Variants in PPP3CB observed in about 807,000 individuals in gnomAD.
The protein encoded by PPP3CB is protein phosphatase 3 catalytic subunit beta, also known as serine/threonine-protein phosphatase 2B catalytic subunit beta isoform.
In PPP3CB, 8 loss-of-function variants were observed where a neutral mutation model predicts 66.4. That is an observed-to-expected ratio of 0.12 (90% CI 0.07 to 0.22). The LOEUF is 0.22. Ranked by LOEUF, PPP3CB falls within the 10% of genes least tolerant of loss-of-function variation. The pLI, the probability that PPP3CB is intolerant of heterozygous loss-of-function variation, is 1.00. For missense variants in PPP3CB, 319 were observed against 642.5 expected (o/e 0.50, Z 5.44); for synonymous variants, 208 against 221.2 (o/e 0.94, Z 0.53).
chr10:73,443,300 G>GAAAGA (rs2056189355), intron 12 of PPP3CB, among the ~76,000 whole-genome samples: 1 of 130,640 alleles, frequency 7.7e-6, no homozygotes, highest in Admixed American at 7.7e-5. Flanking sequence ...AAGAAAGAAA[G>GAAAGA]AAAGAAAGAA....
At chr10:73,458,128 C>G (rs1014724707) in intron 9 of PPP3CB, among the ~76,000 whole-genome samples, 1 of 151,996 alleles carries the variant, frequency 6.6e-6, no homozygotes, top group African/African-American at 2.4e-5. Flanking sequence ...ATATAGACAA[C>G]AAAAAAATGT....
At chr10:73,455,224 A>T (rs951276970) in intron 9 of PPP3CB, among the ~76,000 whole-genome samples, 1 of 152,078 alleles carries the variant, frequency 6.6e-6, no homozygotes, top group Non-Finnish European at 1.5e-5. Context: ...CTTGAAATTT[A>T]CTTCTAAAGA....
chr10:73,443,103 A>G (rs947857099), intron 12 of PPP3CB, among the ~76,000 whole-genome samples: 1 of 151,566 alleles, frequency 6.6e-6, no homozygotes, highest in Non-Finnish European at 1.5e-5. Flanking sequence ...GGGTGGCTGA[A>G]ATGGAGGACT....
At chr10:73,451,185 C>T (rs1013368974) in intron 10 of PPP3CB, among the ~76,000 whole-genome samples, 3 of 151,656 alleles carry the variant, frequency 2.0e-5, no homozygotes, top group Non-Finnish European at 4.4e-5. Context: ...TATTGCAATA[C>T]TCATAATAAC....
chr10:73,447,807 G>A (rs905378254), intron 10 of PPP3CB, among the ~76,000 whole-genome samples: 2 of 151,830 alleles, frequency 1.3e-5, no homozygotes, highest in African/African-American at 2.4e-5. Context: ...TAAATATTAT[G>A]AGCACTGAAG....
At chr10:73,464,946 C>CA (rs1211199797) in intron 9 of PPP3CB, among the ~76,000 whole-genome samples, 4,756 of 103,192 alleles carry the variant, frequency 0.046, 82 homozygotes, top group Middle Eastern at 0.1. Context: ...GACTGTGCCT[C>CA]AAAAAAAAAA....
chr10:73,482,649 T>C (rs139294319), intron 1 of PPP3CB, among the ~76,000 whole-genome samples: 7,400 of 151,348 alleles, frequency 0.049, 550 homozygotes, highest in African/African-American at 0.16. Context: ...CAGAGTCTCA[T>C]TCTTGTCTCC....
chr10:73,454,557 T>A (rs1336211660), intron 9 of PPP3CB, 68 bp from the exon 10 acceptor site: 1 of 995,710 alleles, frequency 1.0e-6, no homozygotes, highest in African/African-American at 1.6e-5. Flanking sequence ...ACATAGCAAC[T>A]ATTTTTACAA....
intron 1 of PPP3CB, among the ~76,000 whole-genome samples, chr10:73,491,022 G>GT (rs528238766): frequency 0.032 from 1,315 of 40,842 alleles, 244 homozygotes; most frequent in Non-Finnish European, 0.052. Flanking sequence ...TGTTTTTATT[G>GT]TTTTTTTTTT....
intron 4 of PPP3CB, among the ~76,000 whole-genome samples, 161 bp from the exon 5 acceptor site, chr10:73,471,774 T>C (rs753538544): frequency 2.0e-5 from 3 of 152,158 alleles, no homozygotes; most frequent in Non-Finnish European, 4.4e-5. Context: ...ACTGTAGTAA[T>C]AGCCCAGACA....
In PPP3CB at chr10:73,471,449, A is replaced by T. The variant is rs1296629998; in HGVS notation, c.669+19T>A. The T allele has an allele frequency of 6.3e-7, 1 of 1,580,168 alleles. No individual in the cohort carries two copies. The highest frequency in any genetic ancestry group is 1.9e-5 in the Admixed American group (1 of 51,974). ...TACTATAAATAGAAATCAATCTCGGAAGTAAAATATATACTTACTCTCCTA... is the reference window on the plus strand; with the variant it reads ...TACTATAAATAGAAATCAATCTCGGTAGTAAAATATATACTTACTCTCCTA... On this transcript the variant is annotated intron_variant, in intron 5 of 13. Transcript: ENST00000360663.
At chr10:73,462,864 T>A (rs1235689403) in intron 9 of PPP3CB, among the ~76,000 whole-genome samples, 1 of 139,754 alleles carries the variant, frequency 7.2e-6, no homozygotes, top group Non-Finnish European at 1.5e-5. Context: ...GCATGAGAAC[T>A]GCTTGAACCT....
intron 3 of PPP3CB, among the ~76,000 whole-genome samples, chr10:73,476,375 G>A (rs995817919): frequency 2.0e-5 from 3 of 152,056 alleles, no homozygotes; most frequent in African/African-American, 7.3e-5. Context: ...CCAGCACTTC[G>A]GGAGGCCGAG....
chr10:73,481,636 A>AAAAAAAAAAAAC (rs1252676575), intron 1 of PPP3CB, among the ~76,000 whole-genome samples: 2 of 142,562 alleles, frequency 1.4e-5, no homozygotes, highest in African/African-American at 5.4e-5. Flanking sequence ...AAAAAAAAAC[A>AAAAAAAAAAAAC]AAAAAAAAAA....
chr10:73,460,645 C>T (rs2056505547), intron 9 of PPP3CB, among the ~76,000 whole-genome samples: 1 of 152,138 alleles, frequency 6.6e-6, no homozygotes, highest in Non-Finnish European at 1.5e-5. Context: ...GAACCAAGTG[C>T]TAATAGCCAA....
chr10:73,438,442 T>C, intron 13 of PPP3CB, 22 bp from the exon 14 acceptor site: 1 of 1,564,002 alleles, frequency 6.4e-7, no homozygotes, highest in South Asian at 1.1e-5. Flanking sequence ...GCAAATTTGA[T>C]AAGTCAGTAA....
Position 73,471,218 on chromosome 10 carries a change from G to T in PPP3CB, c.670-9C>A, listed in dbSNP as rs779157740. On this transcript the variant is annotated splice_polypyrimidine_tract_variant and intron_variant, in intron 5 of 13. Coordinates refer to ENST00000360663, the MANE Select transcript of PPP3CB (RefSeq NM_021132.4). The stretch of plus-strand genomic sequence containing the variant: ...TCTTTGAATCTATCTAACTGTGAAA[G>T]AAAGAAAAGAAAGAACAGAAGTAAC... 7.6e-6 allele frequency: 12 copies of T among 1,575,466 alleles called. No homozygotes were observed. The Admixed American group carries it at 2.2e-4, about 29-fold the overall frequency.
chr10:73,488,947 T>C (rs78302414), intron 1 of PPP3CB, among the ~76,000 whole-genome samples: 3,820 of 152,294 alleles, frequency 0.025, 61 homozygotes, highest in East Asian at 0.062. Context: ...CTGAACAAAG[T>C]AGTAAATTAA....
chr10:73,488,008 T>C (rs1407175029), intron 1 of PPP3CB, among the ~76,000 whole-genome samples: 1 of 151,984 alleles, frequency 6.6e-6, no homozygotes, highest in African/African-American at 2.4e-5. Flanking sequence ...CTCGAACATA[T>C]GACCTCAAGT....
Sources: allele counts gnomAD v4.1 joint callset (sites outside exome capture counted in the v4.1 genomes callset), GRCh38; gene constraint gnomAD v4.1.1; transcripts MANE v1.5; gene names NCBI Gene and HGNC (gene_info 2026-07-23, HGNC 2026-07-21).